Variants in FARSA observed in about 807,000 individuals in gnomAD.
FARSA encodes the protein phenylalanyl-tRNA synthetase subunit alpha, also known as phenylalanine--tRNA ligase alpha subunit.
In FARSA, 37 loss-of-function variants were observed where a neutral mutation model predicts 63.2. The ratio of observed to expected loss-of-function variants is 0.59; its 90% CI spans 0.45 to 0.77. The LOEUF (loss-of-function observed/expected upper bound fraction) is 0.77, where lower values mean the gene tolerates loss of function less well. Ranked by LOEUF, FARSA falls within the 30% of genes least tolerant of loss-of-function variation. FARSA has a pLI of 0.00. For synonymous variants in FARSA, 312 were observed against 285.1 expected, an observed-to-expected ratio of 1.09 and a Z score of -0.95; for missense variants, 618 against 696.6, an observed-to-expected ratio of 0.89 and a Z score of 1.27.
Position 12,924,194 on chromosome 19 carries a change from G to C in FARSA, c.1345C>G (p.Pro449Ala). 6.2e-7 allele frequency: 1 copy of C among 1,614,150 alleles called. No homozygotes were observed. The highest frequency in any genetic ancestry group is 1.1e-5 in the South Asian group (1 of 91,080). The change falls in exon 12 of 13, where the codon CCC becomes GCC. Residue 449 changes from proline (P) to alanine (A), a missense_variant. Pro to Ala is a conservative substitution (Grantham distance 27). Transcript: ENST00000314606. This position sits in a 1 kb window ranked among gnomAD's most constrained non-coding sequence, Gnocchi z 6.4. Reference protein sequence around the residue: ...RPEMLLPMGLPENVSVIAWGL... With the variant: ...RPEMLLPMGLAENVSVIAWGL... Reference sequence around the variant, plus strand: ...CAGGCAATGACCGACACGTTCTCGGGAAGCCCCATGGGCAGCAGCATCTCT... The same window carrying C: ...CAGGCAATGACCGACACGTTCTCGGCAAGCCCCATGGGCAGCAGCATCTCT...
intron 12 of FARSA, among the ~76,000 whole-genome samples, chr19:12,923,311 T>C (rs1285273423): frequency 3.9e-5 from 6 of 152,164 alleles, no homozygotes; most frequent in Admixed American, 3.9e-4. Context: ...CATTTGTTTT[T>C]TTGAAACAGA....
At chr19:12,926,616 T>G (rs1044424891) in intron 7 of FARSA, among the ~76,000 whole-genome samples, 1 of 151,786 alleles carries the variant, frequency 6.6e-6, no homozygotes, top group Non-Finnish European at 1.5e-5. Flanking sequence ...TGCAGTGCAG[T>G]GATGCAATCA....
chr19:12,929,531 C>T (rs1971366892), intron 4 of FARSA, among the ~76,000 whole-genome samples: 1 of 152,106 alleles, frequency 6.6e-6, no homozygotes, highest in African/African-American at 2.4e-5. Context: ...ATGGGGGTCT[C>T]TCTATGTTGC....
chr19:12,927,695 G>C (rs1971341921), intron 7 of FARSA, among the ~76,000 whole-genome samples: 1 of 120,256 alleles, frequency 8.3e-6, no homozygotes, highest in Admixed American at 1.1e-4. Context: ...TCGTGCCACT[G>C]CACTCTAGCT....
chr19:12,931,718 T>C (rs1370626157), intron 1 of FARSA, among the ~76,000 whole-genome samples: 1 of 152,122 alleles, frequency 6.6e-6, no homozygotes, highest in Non-Finnish European at 1.5e-5. Flanking sequence ...AATGTTCACA[T>C]GTCAGTGCCC....
chr19:12,928,644 G>C lies in FARSA; in HGVS notation c.616C>G (p.Pro206Ala). 1 of 1,610,540 alleles carries C rather than the reference G, an allele frequency of 6.2e-7. No homozygotes were observed. Among genetic ancestry groups the C allele is most frequent in the Non-Finnish European group, 8.5e-7 (1 of 1,178,398 alleles). ...MISSGSWRDRPFKPYNFLAHG... is the reference protein window; with the variant it reads ...MISSGSWRDRAFKPYNFLAHG... ...GCCAAGAAGTTGTAGGGCTTGAAGG[G>C]CCGGTCCCGCCAAGAGCCACTGGGG... is the stretch of plus-strand genomic sequence containing the variant. Residue 206 changes from proline to alanine, a missense_variant, in exon 6 of 13, where the codon CCC becomes GCC. Coordinates refer to ENST00000314606, the MANE Select transcript of FARSA (RefSeq NM_004461.3).
intron 7 of FARSA, among the ~76,000 whole-genome samples, chr19:12,925,605 A>T (rs1399475215): frequency 6.6e-6 from 1 of 151,656 alleles, no homozygotes; most frequent in Non-Finnish European, 1.5e-5. Flanking sequence ...TGATCCACCC[A>T]CCTCGGCCTC....
intron 1 of FARSA, among the ~76,000 whole-genome samples, chr19:12,931,636 C>T (rs554874761): frequency 6.6e-6 from 1 of 152,328 alleles, no homozygotes; most frequent in South Asian, 2.1e-4. Flanking sequence ...TCAAGTGATT[C>T]TCCTTCCTCA....
rs1568443497 is a variant in FARSA, at chr19:12,924,134, T to C, written c.1388+17A>G. On this transcript the variant is annotated intron_variant, in intron 12 of 12. Coordinates refer to ENST00000314606, the MANE Select transcript of FARSA (RefSeq NM_004461.3). The surrounding 1 kb of genome is among the most constrained non-coding windows in gnomAD (Gnocchi z 6.4). ...TTGAGGCAGCTGGACACCCCGAGTT[T>C]CCACTTGGGCACTTACCGCTCCAGG... The C allele has an allele frequency of 2.5e-6, 4 of 1,603,678 alleles. No homozygotes were observed. The highest frequency in any genetic ancestry group is 3.4e-6 in the Non-Finnish European group (4 of 1,170,488).
intron 1 of FARSA, chr19:12,933,188 C>T (rs1465483066): frequency 3.6e-6 from 1 of 280,394 alleles, no homozygotes; most frequent in Admixed American, 5.3e-5. Context: ...GCCGCTCTCC[C>T]TGACCCCCAA....
At chr19:12,928,886 C>T in intron 4 of FARSA, 39 bp from the exon 5 acceptor site, 1 of 1,582,164 alleles carries the variant, frequency 6.3e-7, no homozygotes, top group Non-Finnish European at 8.7e-7. Context: ...ACTGCCATCT[C>T]CTCCTAGAGG....
Position 12,925,022 on chromosome 19 carries a change from G to A in FARSA, c.927-19C>T. The A allele has an allele frequency of 6.2e-7, 1 of 1,612,606 alleles. No individual in the cohort carries two copies. The highest frequency in any genetic ancestry group is 1.7e-5 in the Admixed American group (1 of 60,010). On this transcript the variant is annotated intron_variant, in intron 8 of 12. Coordinates refer to ENST00000314606, the MANE Select transcript of FARSA (RefSeq NM_004461.3). ...CTTGTACCTTCAGGAGGGAAGGTGG[G>A]AAGTCCATGCAATGGCCCAGGGGTC...
At chr19:12,923,980 G>A (rs1971295455) in intron 12 of FARSA, among the ~76,000 whole-genome samples, 171 bp downstream of exon 12, 1 of 152,216 alleles carries the variant, frequency 6.6e-6, no homozygotes, top group Non-Finnish European at 1.5e-5. Flanking sequence ...TCAGAGGGAG[G>A]GACATAAGCT....
chr19:12,928,904 TG>T (rs1971360123), intron 4 of FARSA, 57 bp from the exon 5 acceptor site: 4 of 1,483,456 alleles, frequency 2.7e-6, no homozygotes, highest in Non-Finnish European at 3.8e-6. Flanking sequence ...AGGACTTCCT[TG>T]ATCTCCCGTC....
At position 12,928,290 on chromosome 19, in the gene FARSA, G is replaced by C. The variant is rs889136047; in HGVS notation, c.841+52C>G. ...GGGATGCCCATCCTGTAAAGGCTCC[G>C]CCGTGGCCTGGTGTCTCTCATGTCT... On this transcript the variant is annotated intron_variant, in intron 7 of 12. Transcript: ENST00000314606. The C allele has an allele frequency of 2.8e-6, 4 of 1,446,284 alleles. No individual in the cohort carries two copies. In the African/African-American group the frequency reaches 4.2e-5, roughly 15 times the overall value. The allele number at this position is 1,446,284 out of a possible 1,614,324, so 89.6% of individuals were successfully genotyped here.
chr19:12,924,880 G>A lies in FARSA; in HGVS notation c.1026+24C>T. 3.1e-6 allele frequency: 5 copies of A among 1,614,138 alleles called. No homozygotes were observed. The highest frequency in any genetic ancestry group is 4.2e-6 in the Non-Finnish European group (5 of 1,179,976). ...TTTGACAGCACCCTCTCCCCACTGGGGCCCCCGCCTGGGCCAACCGCACCT... is the reference window on the plus strand; with the variant it reads ...TTTGACAGCACCCTCTCCCCACTGGAGCCCCCGCCTGGGCCAACCGCACCT... On this transcript the variant is annotated intron_variant, in intron 9 of 12. Transcript: ENST00000314606. This position sits in a 1 kb window ranked among gnomAD's most constrained non-coding sequence, Gnocchi z 6.4.
rs772715267 is a variant in FARSA, at chr19:12,928,754, C to T, written c.596+1G>A. The T allele has an allele frequency of 1.2e-6, 2 of 1,614,076 alleles. No individual in the cohort carries two copies. Among genetic ancestry groups the T allele is most frequent in the Admixed American group, 1.7e-5 (1 of 60,024 alleles). Reference sequence around the variant, plus strand: ...GCCCTGACCCTGGGGTTGCCTGCTACCTGGAGATCATCTCTGGGCTCAGCT... The same window carrying T: ...GCCCTGACCCTGGGGTTGCCTGCTATCTGGAGATCATCTCTGGGCTCAGCT... On this transcript the variant is annotated splice_donor_variant, in intron 5 of 12. Coordinates refer to ENST00000314606, the MANE Select transcript of FARSA (RefSeq NM_004461.3). LOFTEE classifies it high-confidence loss of function.
Position 12,928,570 on chromosome 19 carries a change from G to C in FARSA, c.690C>G (p.Val230=). The C allele has an allele frequency of 6.2e-7, 1 of 1,613,946 alleles. No homozygotes were observed. Among genetic ancestry groups the C allele is most frequent in the Non-Finnish European group, 8.5e-7 (1 of 1,179,924 alleles). The stretch of plus-strand genomic sequence containing the variant: ...GGAAGATCTGTCGGAACTGGGAGCG[G>C]ACCTTGAGCAGCGGGTGAAGGTGGC... The part of the protein sequence containing the change: ...DSGHLHPLLK[V]RSQFRQIFLE... The change falls in exon 6 of 13, where the codon GTC becomes GTG. Residue 230 remains valine, a synonymous_variant. Transcript: ENST00000314606.
At chr19:12,929,427 G>A (rs1160556744) in intron 4 of FARSA, among the ~76,000 whole-genome samples, 6 of 152,104 alleles carry the variant, frequency 3.9e-5, no homozygotes, top group South Asian at 2.1e-4. Flanking sequence ...GGCTGGTCTC[G>A]AACTCCTGAC....
Sources: allele counts gnomAD v4.1 joint callset (sites outside exome capture counted in the v4.1 genomes callset), GRCh38; gene constraint gnomAD v4.1.1; non-coding constraint Gnocchi (gnomAD v3.1); transcripts MANE v1.5; gene names NCBI Gene and HGNC (gene_info 2026-07-23, HGNC 2026-07-21).